Variants in DLG1 observed in about 807,000 individuals in gnomAD.
DLG1 encodes the protein disks large homolog 1.
A neutral mutation model predicts 123.4 loss-of-function variants in DLG1; 42 were observed. The observed-to-expected ratio is 0.34, with a 90% CI of 0.27 to 0.44. DLG1 has a LOEUF of 0.44. Ranked by LOEUF, DLG1 falls within the 20% of genes least tolerant of loss-of-function variation. The probability of loss-of-function intolerance (pLI) is 1.00; values close to 1 mark genes in which losing one functional copy is unlikely to be tolerated. For synonymous variants in DLG1, 317 were observed against 356.2 expected, an observed-to-expected ratio of 0.89 and a Z score of 1.24; for missense variants, 942 against 1,082.6, an observed-to-expected ratio of 0.87 and a Z score of 1.82.
chr3:197,182,813 A>G (rs1030609730), intron 5 of DLG1, among the ~76,000 whole-genome samples: 2 of 152,112 alleles, frequency 1.3e-5, no homozygotes, highest in African/African-American at 4.8e-5. Flanking sequence ...AACAATAGGT[A>G]TTTCAAACAA....
chr3:197,105,029 T>C (rs369393857), intron 13 of DLG1, 24 bp from the exon 14 acceptor site: 12 of 1,461,766 alleles, frequency 8.2e-6, no homozygotes, highest in African/African-American at 1.4e-5. Flanking sequence ...CAAATCTTAA[T>C]TTGGGAGAAA....
chr3:197,153,543 G>A (rs933209822), intron 5 of DLG1, among the ~76,000 whole-genome samples: 1 of 152,122 alleles, frequency 6.6e-6, no homozygotes, highest in African/African-American at 2.4e-5. Flanking sequence ...CATCACAAAG[G>A]TGCAAACAGG....
chr3:197,073,031 A>G (rs1745050273), intron 18 of DLG1, among the ~76,000 whole-genome samples: 1 of 152,152 alleles, frequency 6.6e-6, no homozygotes, highest in Non-Finnish European at 1.5e-5. Flanking sequence ...TCTATCTCAA[A>G]TCTCTCTAAC....
chr3:197,116,045 C>T lies in DLG1; in HGVS notation c.1325G>A (p.Gly442Asp). 2 of 1,610,008 alleles carry T rather than the reference C, an allele frequency of 1.2e-6. No homozygotes were observed. The highest frequency in any genetic ancestry group is 1.7e-6 in the Non-Finnish European group (2 of 1,178,806). ...RKVVLHRGST[G>D]LGFNIVGGED... ...TCCTCCTACAATGTTGAAACCAAGG[C>T]CCGTTGAGCCACGATGAAGAACAAC... is the stretch of plus-strand genomic sequence containing the variant. The change falls in exon 13 of 25, where the codon GGC (glycine) becomes GAC (aspartate). Residue 442 changes from glycine (G) to aspartate (D), a missense_variant. Coordinates refer to ENST00000667157, the MANE Select transcript of DLG1 (RefSeq NM_001366207.1).
intron 3 of DLG1, among the ~76,000 whole-genome samples, chr3:197,289,395 T>C (rs1202375806): frequency 1.3e-5 from 2 of 151,792 alleles, no homozygotes; most frequent in African/African-American, 2.4e-5. Flanking sequence ...ATTCATCCCA[T>C]GGATGAAGTA....
chr3:197,203,831 C>T (rs1034276745), intron 4 of DLG1, among the ~76,000 whole-genome samples: 10 of 152,166 alleles, frequency 6.6e-5, no homozygotes, highest in Non-Finnish European at 1.0e-4. Flanking sequence ...GCAAGAGCCA[C>T]AGCAAGCAGT....
At position 197,048,499 on chromosome 3, in the gene DLG1, T is replaced by C. The variant is rs536090464; in HGVS notation, c.2575+3078A>G. 2.6e-3 allele frequency among the ~76,000 whole-genome samples: 401 copies of C among 152,102 alleles called. 4 individuals carry two copies. The highest frequency in any genetic ancestry group is 9.3e-3 in the African/African-American group (384 of 41,488). On this transcript the variant is annotated intron_variant, in intron 24 of 24. Transcript: ENST00000667157. ...CACACACGCAAACCATAATGAAATA[T>C]CACCTTAGACCTGTGTGGATGGCTG...
At chr3:197,089,218 T>C (rs1756249161) in intron 15 of DLG1, among the ~76,000 whole-genome samples, 1 of 152,084 alleles carries the variant, frequency 6.6e-6, no homozygotes, top group African/African-American at 2.4e-5. Flanking sequence ...TATAAGTCTT[T>C]AGATAATATA....
At chr3:197,045,574 A>AT (rs949358388) in intron 24 of DLG1, among the ~76,000 whole-genome samples, 5 of 128,116 alleles carry the variant, frequency 3.9e-5, no homozygotes, top group South Asian at 2.4e-4. Flanking sequence ...GACCCTGTGT[A>AT]TTTAAAAAAA....
At chr3:197,129,929 C>T (rs1157086140) in intron 11 of DLG1, among the ~76,000 whole-genome samples, 1 of 152,012 alleles carries the variant, frequency 6.6e-6, no homozygotes, top group Non-Finnish European at 1.5e-5. Flanking sequence ...CTAGTGATCA[C>T]ATATTACTGT....
At chr3:197,183,054 T>C (rs1334503566) in intron 5 of DLG1, among the ~76,000 whole-genome samples, 1 of 152,168 alleles carries the variant, frequency 6.6e-6, no homozygotes, top group Non-Finnish European at 1.5e-5. Flanking sequence ...TTAAATCCCT[T>C]GAATAAGCCA....
intron 4 of DLG1, among the ~76,000 whole-genome samples, chr3:197,226,941 G>GTA (rs1201096326): frequency 6.6e-6 from 1 of 152,100 alleles, no homozygotes; most frequent in Non-Finnish European, 1.5e-5. Flanking sequence ...CATTCTTACA[G>GTA]TATTTTATAT....
At chr3:197,098,683 T>C (rs1761944144) in intron 14 of DLG1, among the ~76,000 whole-genome samples, 1 of 152,150 alleles carries the variant, frequency 6.6e-6, no homozygotes, top group African/African-American at 2.4e-5. Context: ...TACAGGTATG[T>C]ACCACCATGC....
intron 2 of DLG1, 63 bp downstream of exon 2, chr3:197,297,123 C>A (rs1777814678): frequency 6.3e-6 from 10 of 1,592,798 alleles, no homozygotes; most frequent in Non-Finnish European, 8.6e-6. Context: ...AAACGGCAAT[C>A]AAAAAACTGA....
chr3:197,164,227 T>TAA (rs572647025), intron 5 of DLG1, among the ~76,000 whole-genome samples: 1 of 142,970 alleles, frequency 7.0e-6, no homozygotes, highest in African/African-American at 2.6e-5. Context: ...CCATCTCTAC[T>TAA]AAAAAAAAAA....
intron 3 of DLG1, among the ~76,000 whole-genome samples, chr3:197,287,771 T>C (rs1772560493): frequency 6.6e-6 from 1 of 152,230 alleles, no homozygotes; most frequent in Non-Finnish European, 1.5e-5. Context: ...GTATATTCCA[T>C]ATATCAGAGT....
intron 4 of DLG1, among the ~76,000 whole-genome samples, 174 bp from the exon 5 acceptor site, chr3:197,194,763 TA>T (rs1455457918): frequency 1.3e-5 from 2 of 152,182 alleles, no homozygotes; most frequent in Non-Finnish European, 2.9e-5. Context: ...ATGCCAATAA[TA>T]AAATTATTTA....
intron 5 of DLG1, among the ~76,000 whole-genome samples, chr3:197,163,687 A>ATTTTTTTTTT (rs56865627): frequency 0.015 from 1,532 of 101,934 alleles, no homozygotes; most frequent in Non-Finnish European, 0.018. Flanking sequence ...ATGCTCAGCT[A>ATTTTTTTTTT]TTTTTTTTTT....
intron 6 of DLG1, among the ~76,000 whole-genome samples, chr3:197,149,379 C>CA (rs954836495): frequency 2.0e-5 from 3 of 151,620 alleles, no homozygotes; most frequent in Admixed American, 6.6e-5. Flanking sequence ...TATGAATGCA[C>CA]AAAAAAAACC....
Sources: allele counts gnomAD v4.1 joint callset (sites outside exome capture counted in the v4.1 genomes callset), GRCh38; gene constraint gnomAD v4.1.1; transcripts MANE v1.5; gene names NCBI Gene and HGNC (gene_info 2026-07-23, HGNC 2026-07-21).